UMAD1: variants seen among roughly 807,000 people sequenced by gnomAD.
The protein encoded by UMAD1 is UBAP1-MVB12-associated (UMA) domain containing 1.
In UMAD1, 8 loss-of-function variants were observed where a neutral mutation model predicts 6.1. That is an observed-to-expected ratio of 1.30 (90% CI 0.76 to 2.35). UMAD1 has a LOEUF of 2.35. Among genes scored for constraint, UMAD1 ranks in the 30% most tolerant of loss-of-function variants. The probability of loss-of-function intolerance (pLI) is 0.00; values close to 1 mark genes in which losing one functional copy is unlikely to be tolerated. For synonymous variants in UMAD1, 56 were observed against 31.4 expected (o/e 1.78, Z -2.61); for missense variants, 130 against 78.4 (o/e 1.66, Z -2.49).
At chr7:7,662,939 G>A (rs1468246638) in intron 1 of UMAD1, among the ~76,000 whole-genome samples, 2 of 152,090 alleles carry the variant, frequency 1.3e-5, no homozygotes, top group East Asian at 1.9e-4. Context: ...TCAATGGAAA[G>A]TTTTAGATGT....
chr7:7,697,937 G>A (rs1780358778), intron 2 of UMAD1, among the ~76,000 whole-genome samples: 1 of 152,112 alleles, frequency 6.6e-6, no homozygotes, highest in Non-Finnish European at 1.5e-5. Flanking sequence ...CTTCATGAGG[G>A]CTGTGAAATA....
chr7:7,749,784 A>G (rs957314144), intron 2 of UMAD1, among the ~76,000 whole-genome samples: 1 of 152,218 alleles, frequency 6.6e-6, no homozygotes, highest in Non-Finnish European at 1.5e-5. Context: ...TGAAACATTT[A>G]TTACACAGAA....
At chr7:7,796,240 C>CTTTT (rs1782675248) in intron 2 of UMAD1, among the ~76,000 whole-genome samples, 22 of 95,970 alleles carry the variant, frequency 2.3e-4, no homozygotes, top group African/African-American at 1.3e-3. Flanking sequence ...TTTCTATTTT[C>CTTTT]TTTCTTTTTT....
At chr7:7,871,723 A>T (rs1454889867) in intron 3 of UMAD1, among the ~76,000 whole-genome samples, 6 of 152,140 alleles carry the variant, frequency 3.9e-5, no homozygotes, top group African/African-American at 1.4e-4. Flanking sequence ...TTCAGGTCAG[A>T]TGGCAGTTTT....
chr7:7,822,761 C>T (rs1783264403), intron 3 of UMAD1, among the ~76,000 whole-genome samples: 1 of 152,072 alleles, frequency 6.6e-6, no homozygotes, highest in Non-Finnish European at 1.5e-5. Flanking sequence ...AGAGATGCCC[C>T]TGTCATTCTC....
chr7:7,813,077 T>C (rs1301962425), intron 3 of UMAD1, among the ~76,000 whole-genome samples: 1 of 152,232 alleles, frequency 6.6e-6, no homozygotes, highest in Non-Finnish European at 1.5e-5. Context: ...AGTCTTCTTA[T>C]GAACATGCCT....
chr7:7,789,311 C>T (rs1238954026), intron 2 of UMAD1, among the ~76,000 whole-genome samples: 2 of 146,436 alleles, frequency 1.4e-5, no homozygotes, highest in African/African-American at 5.6e-5. Flanking sequence ...TTTCCTTTTC[C>T]CTTTAAATAC....
chr7:7,785,393 G>A (rs895360206), intron 2 of UMAD1, among the ~76,000 whole-genome samples: 17 of 152,162 alleles, frequency 1.1e-4, no homozygotes, highest in African/African-American at 3.6e-4. Context: ...TCTGAAAGTT[G>A]TTTTATGATT....
chr7:7,781,654 A>C (rs1211118344), intron 2 of UMAD1, among the ~76,000 whole-genome samples: 1 of 152,060 alleles, frequency 6.6e-6, no homozygotes, highest in East Asian at 1.9e-4. Context: ...TTTTGTGACT[A>C]CTGGGAATGA....
intron 1 of UMAD1, among the ~76,000 whole-genome samples, chr7:7,659,769 C>T (rs957951470): frequency 9.2e-5 from 14 of 152,054 alleles, no homozygotes; most frequent in Admixed American, 4.6e-4. Flanking sequence ...GAGAAGAATG[C>T]ATATTCTGTT....
intron 2 of UMAD1, among the ~76,000 whole-genome samples, chr7:7,685,363 G>A (rs1047373311): frequency 1.3e-5 from 2 of 148,718 alleles, no homozygotes; most frequent in Non-Finnish European, 3.0e-5. Flanking sequence ...AGGCTGGAGT[G>A]CAGTGGTGCC....
rs1007569733 is a variant in UMAD1, at chr7:7,830,001, C to T, written c.156+28258C>T. 5.9e-5 allele frequency among the ~76,000 whole-genome samples: 9 copies of T among 152,246 alleles called. No individual in the cohort carries two copies. Among genetic ancestry groups the T allele is most frequent in the South Asian group, 2.1e-4 (1 of 4,822 alleles). On this transcript the variant is annotated intron_variant, in intron 3 of 3. Coordinates refer to ENST00000682710, the MANE Select transcript of UMAD1 (RefSeq NM_001302348.2). The surrounding 1 kb of genome is among the most constrained non-coding windows in gnomAD (Gnocchi z 5.3). Reference sequence around the variant, plus strand: ...TCATTGGATTTACTACAGAGTCTTCCGACAAACCTTCTTCCTTCTGACTTT... The same window carrying T: ...TCATTGGATTTACTACAGAGTCTTCTGACAAACCTTCTTCCTTCTGACTTT...
chr7:7,736,197 A>G (rs1340830974), intron 2 of UMAD1: 10 of 152,260 alleles, frequency 6.6e-5, no homozygotes, highest in Admixed American at 6.5e-4. Flanking sequence ...AGTTCCCAAT[A>G]TAAATGTTGC....
intron 3 of UMAD1, among the ~76,000 whole-genome samples, chr7:7,831,734 G>C (rs779171083): frequency 2.0e-5 from 3 of 152,150 alleles, no homozygotes; most frequent in Non-Finnish European, 4.4e-5. Flanking sequence ...TACCTCGTGG[G>C]AGTATTGTGA....
chr7:7,763,196 A>G (rs1781924329), intron 2 of UMAD1, among the ~76,000 whole-genome samples: 2 of 152,234 alleles, frequency 1.3e-5, no homozygotes, highest in Non-Finnish European at 2.9e-5. Context: ...TATTTAATTG[A>G]AGTGCTTTTT....
At chr7:7,661,879 C>G (rs1386583795) in intron 1 of UMAD1, among the ~76,000 whole-genome samples, 1 of 152,152 alleles carries the variant, frequency 6.6e-6, no homozygotes, top group Non-Finnish European at 1.5e-5. Flanking sequence ...CAGGCAGGGA[C>G]GTTTAATTCT....
rs1583890716 is a variant in UMAD1 at position 7,877,457 on chromosome 7, A to C, written c.333A>C (p.Leu111Phe). The stretch of plus-strand genomic sequence containing the variant: ...CCATCACTGACCTTCCCGACCACTT[A>C]CTCTCCTATGATGGCAGCGAAAACT... ...QGTITDLPDH[L>F]LSYDGSENLS... Residue 111 changes from leucine to phenylalanine, a missense_variant, in exon 4 of 4, where the codon TTA becomes TTC. Coordinates refer to ENST00000682710, the MANE Select transcript of UMAD1 (RefSeq NM_001302348.2). 1.4e-6 allele frequency: 1 copy of C among 717,338 alleles called. No individual in the cohort carries two copies. The highest frequency in any genetic ancestry group is 1.7e-5 in the African/African-American group (1 of 57,242). 44.4% of individuals were successfully genotyped at this position (717,338 alleles called of 1,614,324 possible). A position where few individuals can be genotyped will look rare whatever the true frequency, so the allele number is the denominator to read the frequency against.
At chr7:7,643,092 G>C (rs1785011966) in intron 1 of UMAD1, among the ~76,000 whole-genome samples, 1 of 152,134 alleles carries the variant, frequency 6.6e-6, no homozygotes, top group African/African-American at 2.4e-5. Flanking sequence ...TTGGGGGATG[G>C]TTTGGCAATT....
chr7:7,745,118 G>T (rs572292889), intron 2 of UMAD1, among the ~76,000 whole-genome samples: 118 of 152,268 alleles, frequency 7.7e-4, no homozygotes, highest in African/African-American at 2.6e-3. Context: ...GAAAAACATA[G>T]AGAAGAGGAA....
Sources: gnomAD v4.1 joint callset for allele counts (sites outside exome capture counted in the v4.1 genomes callset) on GRCh38, gnomAD v4.1.1 for gene constraint, Gnocchi (gnomAD v3.1) non-coding constraint, MANE v1.5 for transcripts, NCBI Gene and HGNC (gene_info 2026-07-23, HGNC 2026-07-21) for gene names.